The following ZNF691 variants were observed in gnomAD, a reference collection of about 807,000 sequenced individuals.
ZNF691 encodes zinc finger protein 691.
In ZNF691, 11 loss-of-function variants were observed where a neutral mutation model predicts 24.1. The observed-to-expected ratio is 0.46, with a 90% CI of 0.29 to 0.75. ZNF691 has a LOEUF of 0.75. ZNF691 is among the 30% of genes least tolerant of loss of function. The pLI, the probability that ZNF691 is intolerant of heterozygous loss-of-function variation, is 0.11. For missense variants in ZNF691, 356 were observed against 409.0 expected, an observed-to-expected ratio of 0.87 and a Z score of 1.12; for synonymous variants, 149 against 153.9, an observed-to-expected ratio of 0.97 and a Z score of 0.23.
At chr1:42,849,094 C>T (rs1417832360) in intron 1 of ZNF691, among the ~76,000 whole-genome samples, 197 bp from the exon 2 acceptor site, 1 of 152,174 alleles carries the variant, frequency 6.6e-6, no homozygotes, top group East Asian at 1.9e-4. Context: ...CAGCAGATAT[C>T]CCATGGCCAT....
rs1184126059 is a variant in ZNF691 at position 42,851,443 on chromosome 1, A to G, written c.578A>G (p.His193Arg). 6.2e-7 allele frequency: 1 copy of G among 1,614,146 alleles called. No homozygotes were observed. The highest frequency in any genetic ancestry group is 8.5e-7 in the Non-Finnish European group (1 of 1,180,006). ...RSDLTTHQQD[H>R]LGKRPYRCDI... ...GACCTCACCACGCACCAGCAAGATCACCTAGGCAAGCGGCCATACCGCTGT... is the reference window on the plus strand; with the variant it reads ...GACCTCACCACGCACCAGCAAGATCGCCTAGGCAAGCGGCCATACCGCTGT... The change falls in exon 4 of 4, where the codon CAC becomes CGC. Residue 193 changes from histidine (H) to arginine (R), a missense_variant. His to Arg is a conservative substitution (Grantham distance 29, BLOSUM62 0). Transcript: ENST00000651192. The surrounding 1 kb of genome is among the most constrained non-coding windows in gnomAD (Gnocchi z 4.7).
intron 3 of ZNF691, 84 bp downstream of exon 3, chr1:42,849,826 T>A: frequency 8.2e-7 from 1 of 1,216,406 alleles, no homozygotes; most frequent in Non-Finnish European, 1.2e-6. Context: ...TTAGTGATGT[T>A]TGCACAAATC....
At position 42,852,090 on chromosome 1, in the gene ZNF691, G is replaced by A. The variant is rs1410985703; in HGVS notation, c.*277G>A. On this transcript the variant is annotated 3_prime_UTR_variant, in exon 4 of 4. Coordinates refer to ENST00000651192, the MANE Select transcript of ZNF691 (RefSeq NM_001242739.2). ...TTGGGGTGAAAGAGAAATAGGGTAGGCTCAGAACATGCTCATGTTATTAAG... is the reference window on the plus strand; with the variant it reads ...TTGGGGTGAAAGAGAAATAGGGTAGACTCAGAACATGCTCATGTTATTAAG... 3 of 564,566 alleles carry A rather than the reference G, an allele frequency of 5.3e-6. No individual in the cohort carries two copies. Among genetic ancestry groups the A allele is most frequent in the African/African-American group, 3.8e-5 (2 of 53,102 alleles). 35.0% of individuals were successfully genotyped at this position (564,566 alleles called of 1,614,324 possible). A position where few individuals can be genotyped will look rare whatever the true frequency, so the allele number is the denominator to read the frequency against.
In ZNF691 at chr1:42,849,634, G is replaced by A. The variant is rs773063392; in HGVS notation, c.-25G>A. On this transcript the variant is annotated 5_prime_UTR_variant, in exon 3 of 4. Coordinates refer to ENST00000651192, the MANE Select transcript of ZNF691 (RefSeq NM_001242739.2). ...TCATCAGTGTCCTATGATAGTTTGT[G>A]CTTCCCTCCCTCATCCCTTTGTTCA... 5.3e-6 allele frequency: 8 copies of A among 1,511,748 alleles called. No individual in the cohort carries two copies. In the South Asian group the frequency reaches 8.4e-5, roughly 16 times the overall value. 93.6% of individuals were successfully genotyped at this position (1,511,748 alleles called of 1,614,324 possible).
chr1:42,851,381 A>T lies in ZNF691; in HGVS notation c.516A>T (p.Lys172Asn). Residue 172 changes from lysine to asparagine, a missense_variant, in exon 4 of 4, where the codon AAA (lysine) becomes AAT (asparagine). Transcript: ENST00000651192. This position sits in a 1 kb window ranked among gnomAD's most constrained non-coding sequence, Gnocchi z 4.7. ...TCCACCTGGAAGAGAAACACTACAA[A>T]TGCCCCAAGTGCCAGGAGAGCTTTC... is the stretch of plus-strand genomic sequence containing the variant. ...ERIHLEEKHY[K>N]CPKCQESFRR... The T allele has an allele frequency of 6.2e-7, 1 of 1,614,084 alleles. No individual in the cohort carries two copies. The highest frequency in any genetic ancestry group is 8.5e-7 in the Non-Finnish European group (1 of 1,180,012).
rs201798231 is a variant in ZNF691, at chr1:42,851,689, G to A, written c.824G>A (p.Arg275Gln). The A allele has an allele frequency of 2.1e-5, 34 of 1,614,206 alleles. No individual in the cohort carries two copies. The highest frequency in any genetic ancestry group is 2.6e-5 in the Non-Finnish European group (31 of 1,180,030). Residue 275 changes from arginine (R) to glutamine (Q), a missense_variant, in exon 4 of 4, where the codon CGG becomes CAG. Coordinates refer to ENST00000651192, the MANE Select transcript of ZNF691 (RefSeq NM_001242739.2). The surrounding 1 kb of genome is among the most constrained non-coding windows in gnomAD (Gnocchi z 4.7). ...SDISNFGAHQ[R>Q]THRGEKPYRC... ...ATCTCCAACTTTGGAGCACACCAGC[G>A]GACCCACAGAGGGGAGAAGCCCTAC...
chr1:42,849,377 C>T lies in ZNF691; in HGVS notation c.-131C>T, dbSNP rs1052075843. The T allele has an allele frequency of 3.5e-6, 2 of 569,768 alleles. No individual in the cohort carries two copies. The highest frequency in any genetic ancestry group is 8.2e-5 in the East Asian group (2 of 24,266). The allele number at this position is 569,768 out of a possible 1,614,324, so 35.3% of individuals were successfully genotyped here. A position where few individuals can be genotyped will look rare whatever the true frequency, so the allele number is the denominator to read the frequency against. On this transcript the variant is annotated 5_prime_UTR_variant, in exon 2 of 4. Transcript: ENST00000651192. ...GTGTCACACACTCTGCTGAGTATTA[C>T]AGGCATTTTTTTCTAATACAAAGTC...
intron 3 of ZNF691, chr1:42,850,630 G>A (rs1487466575): frequency 2.6e-6 from 4 of 1,541,390 alleles, no homozygotes; most frequent in East Asian, 2.4e-5. Flanking sequence ...ACTTGCCCAT[G>A]AATTATAGTC....
chr1:42,851,344 G>A lies in ZNF691; in HGVS notation c.479G>A (p.Arg160Gln), dbSNP rs764555560. Residue 160 changes from arginine to glutamine, a missense_variant, in exon 4 of 4, where the codon CGG (arginine) becomes CAG (glutamine). By Grantham distance (43) the Arg-to-Gln change is conservative. Coordinates refer to ENST00000651192, the MANE Select transcript of ZNF691 (RefSeq NM_001242739.2). This position sits in a 1 kb window ranked among gnomAD's most constrained non-coding sequence, Gnocchi z 4.7. ...TTCTCGAGAAGCTCCAACCGCATCC[G>A]GCACGAGCGGATCCACCTGGAAGAG... is the stretch of plus-strand genomic sequence containing the variant. ...KSFSRSSNRI[R>Q]HERIHLEEKH... The A allele has an allele frequency of 3.7e-6, 6 of 1,613,956 alleles. No individual in the cohort carries two copies. Among genetic ancestry groups the A allele is most frequent in the East Asian group, 2.2e-5 (1 of 44,860 alleles).
In ZNF691 at chr1:42,850,998, C is replaced by G; in HGVS notation, c.133C>G (p.Pro45Ala). 1 of 1,544,688 alleles carries G rather than the reference C, an allele frequency of 6.5e-7. No homozygotes were observed. Among genetic ancestry groups the G allele is most frequent in the South Asian group, 1.3e-5 (1 of 78,172 alleles). ...EKEQSPEPHL[P>A]EEGEGGKPWR... ...GGAGCAGAGTCCAGAACCACACCTGCCTGAGGAAGGGGAAGGGGGTAAGCC... is the reference window on the plus strand; with the variant it reads ...GGAGCAGAGTCCAGAACCACACCTGGCTGAGGAAGGGGAAGGGGGTAAGCC... Residue 45 changes from proline (P) to alanine (A), a missense_variant, in exon 4 of 4, where the codon CCT becomes GCT. Coordinates refer to ENST00000651192, the MANE Select transcript of ZNF691 (RefSeq NM_001242739.2).
At position 42,852,330 on chromosome 1, in the gene ZNF691, A is replaced by G. The variant is rs1655421281; in HGVS notation, c.*517A>G. The G allele has an allele frequency of 1.8e-5, 4 of 219,912 alleles. No individual in the cohort carries two copies. The South Asian group carries it at 3.2e-4, about 18-fold the overall frequency. The allele number at this position is 219,912 out of a possible 1,614,324, so 13.6% of individuals were successfully genotyped here. Reference sequence around the variant, plus strand: ...CTCCTTGGTCTGGAGAAGAGATCTGAGGTCCCACCTTAGAAATGAAAGGGA... The same window carrying G: ...CTCCTTGGTCTGGAGAAGAGATCTGGGGTCCCACCTTAGAAATGAAAGGGA... On this transcript the variant is annotated 3_prime_UTR_variant, in exon 4 of 4. Coordinates refer to ENST00000651192, the MANE Select transcript of ZNF691 (RefSeq NM_001242739.2).
chr1:42,850,777 A>G, intron 3 of ZNF691, 173 bp from the exon 4 acceptor site: 1 of 1,549,840 alleles, frequency 6.5e-7, no homozygotes, highest in Non-Finnish European at 8.7e-7. Context: ...AAAGTTTGTC[A>G]CTTAAAAGGT....
At chr1:42,850,518 T>G (rs1655353786) in intron 3 of ZNF691, 1 of 1,448,998 alleles carries the variant, frequency 6.9e-7, no homozygotes, top group African/African-American at 1.4e-5. Context: ...AGGTAGATAC[T>G]TGTAAGGAAG....
chr1:42,848,130 TTGACCTAGCA>T (rs1655288928), intron 1 of ZNF691, among the ~76,000 whole-genome samples: 1 of 152,222 alleles, frequency 6.6e-6, no homozygotes, highest in Non-Finnish European at 1.5e-5. Context: ...TGCTCTTACA[TTGACCTAGCA>T]TCCAGCCCCG....
chr1:42,849,289 A>G lies in ZNF691; in HGVS notation c.-217-2A>G, dbSNP rs751479909. ...AAGATCTTTTTCTTGTATTCTTCACAGGGCCTGGACGTAGTGTCTTCAACA... is the reference window on the plus strand; with the variant it reads ...AAGATCTTTTTCTTGTATTCTTCACGGGGCCTGGACGTAGTGTCTTCAACA... On this transcript the variant is annotated splice_acceptor_variant, in intron 1 of 3. Coordinates refer to ENST00000651192, the MANE Select transcript of ZNF691 (RefSeq NM_001242739.2). LOFTEE classifies it low-confidence loss of function (5UTR_SPLICE). The G allele has an allele frequency of 4.6e-6, 2 of 434,010 alleles. No homozygotes were observed. The highest frequency in any genetic ancestry group is 4.1e-5 in the African/African-American group (2 of 48,598). 26.9% of individuals were successfully genotyped at this position (434,010 alleles called of 1,614,324 possible).
Position 42,849,423 on chromosome 1 carries a change from A to C in ZNF691, c.-95+10A>C. 1.6e-6 allele frequency: 1 copy of C among 643,906 alleles called. No individual in the cohort carries two copies. The highest frequency in any genetic ancestry group is 1.5e-5 in the South Asian group (1 of 66,182). The allele number at this position is 643,906 out of a possible 1,614,324, so 39.9% of individuals were successfully genotyped here. On this transcript the variant is annotated intron_variant, in intron 2 of 3. Transcript: ENST00000651192. ...AAGTCTTGTAGTGTGGGTAGGTATC[A>C]CAATTTTAGTGAAGAGGGAGTTTAG...
Position 42,851,429 on chromosome 1 carries a change from G to A in ZNF691, c.564G>A (p.Thr188=), listed in dbSNP as rs368463512. ...ESFRRRSDLT[T]HQQDHLGKRP... ...TTCGGCGGCGCTCAGACCTCACCAC[G>A]CACCAGCAAGATCACCTAGGCAAGC... Residue 188 remains threonine (T), a synonymous_variant, in exon 4 of 4, where the codon ACG becomes ACA. Coordinates refer to ENST00000651192, the MANE Select transcript of ZNF691 (RefSeq NM_001242739.2). The surrounding 1 kb of genome is among the most constrained non-coding windows in gnomAD (Gnocchi z 4.7). 6.2e-6 allele frequency: 10 copies of A among 1,613,978 alleles called. No individual in the cohort carries two copies. The highest frequency in any genetic ancestry group is 5.3e-5 in the African/African-American group (4 of 74,890).
intron 1 of ZNF691, among the ~76,000 whole-genome samples, chr1:42,848,686 AACAACAAAG>A (rs968017071): frequency 2.4e-4 from 37 of 152,296 alleles, no homozygotes; most frequent in Non-Finnish European, 2.4e-4. Flanking sequence ...AAAACAAAAA[AACAACAAAG>A]ACACCAGCTC....
At chr1:42,848,786 G>A (rs961563747) in intron 1 of ZNF691, among the ~76,000 whole-genome samples, 1 of 152,190 alleles carries the variant, frequency 6.6e-6, no homozygotes, top group African/African-American at 2.4e-5. Context: ...GTGCTATGGG[G>A]CAGGAGGACT....
Sources: allele counts gnomAD v4.1 joint callset (sites outside exome capture counted in the v4.1 genomes callset), GRCh38; gene constraint gnomAD v4.1.1; non-coding constraint Gnocchi (gnomAD v3.1); transcripts MANE v1.5; gene names NCBI Gene and HGNC (gene_info 2026-07-23, HGNC 2026-07-21).